Variants in SMCO2 observed in about 807,000 individuals in gnomAD.
The protein encoded by SMCO2 is single-pass membrane and coiled-coil domain-containing protein 2.
Under a neutral mutation model 29.5 loss-of-function variants are expected in SMCO2, and 25 were observed. The ratio of observed to expected loss-of-function variants is 0.85; its 90% CI spans 0.62 to 1.18. The LOEUF is 1.18. SMCO2 is among the 50% of genes most tolerant of loss of function. SMCO2 has a pLI of 0.00. For synonymous variants in SMCO2, 117 were observed against 123.3 expected, an observed-to-expected ratio of 0.95 and a Z score of 0.34; for missense variants, 348 against 344.5, an observed-to-expected ratio of 1.01 and a Z score of -0.08.
the SMCO2 span, among the ~76,000 whole-genome samples, chr12:27,453,387 C>T: frequency 2.2e-4 from 34 of 152,282 alleles, no homozygotes; most frequent in African/African-American, 6.7e-4. Flanking sequence ...TGGCTGTGTC[C>T]ACAGCTCTGA....
chr12:27,488,975 C>G (rs1249539869), intron 5 of SMCO2, among the ~76,000 whole-genome samples: 2 of 152,130 alleles, frequency 1.3e-5, no homozygotes, highest in African/African-American at 2.4e-5. Context: ...TTCACAATCT[C>G]CAGAGTTTTC....
the SMCO2 span, among the ~76,000 whole-genome samples, chr12:27,429,060 T>C: frequency 1.3e-5 from 2 of 152,078 alleles, no homozygotes; most frequent in Non-Finnish European, 2.9e-5. Context: ...CAAAACACAG[T>C]TGTAGTGTCT....
chr12:27,494,119 C>T (rs867744741), intron 5 of SMCO2, 181 bp from the exon 7 acceptor site: 8 of 416,654 alleles, frequency 1.9e-5, no homozygotes, highest in Admixed American at 1.4e-4. Flanking sequence ...TATGGTTATA[C>T]CACTTACAGT....
chr12:27,482,576 C>T (rs1316132502), intron 4 of SMCO2, among the ~76,000 whole-genome samples: 1 of 152,194 alleles, frequency 6.6e-6, no homozygotes, highest in Non-Finnish European at 1.5e-5. Context: ...GCTTGGATTA[C>T]AGGCATGAGC....
chr12:27,457,514 C>G, the SMCO2 span, among the ~76,000 whole-genome samples: 6,309 of 152,294 alleles, frequency 0.041, 194 homozygotes, highest in East Asian at 0.13. Context: ...GTATCAGAAC[C>G]ACTCATCACC....
chr12:27,456,837 G>A, the SMCO2 span, among the ~76,000 whole-genome samples: 1 of 152,042 alleles, frequency 6.6e-6, no homozygotes, highest in African/African-American at 2.4e-5. Flanking sequence ...TTAGGACCTG[G>A]GCCGCACAGC....
At chr12:27,456,201 G>A in the SMCO2 span, among the ~76,000 whole-genome samples, 1 of 152,164 alleles carries the variant, frequency 6.6e-6, no homozygotes, top group African/African-American at 2.4e-5. Context: ...GGCAACAAGA[G>A]TGAAACTCCA....
chr12:27,426,879 G>A, the SMCO2 span, among the ~76,000 whole-genome samples: 4 of 152,190 alleles, frequency 2.6e-5, no homozygotes, highest in Non-Finnish European at 5.9e-5. Flanking sequence ...GTTTGCTAAG[G>A]TGGACATCTA....
chr12:27,457,516 C>T, the SMCO2 span, among the ~76,000 whole-genome samples: 1 of 152,226 alleles, frequency 6.6e-6, no homozygotes, highest in Non-Finnish European at 1.5e-5. Context: ...ATCAGAACCA[C>T]TCATCACCCA....
At chr12:27,463,009 A>G (rs1949470283), upstream of SMCO2, among the ~76,000 whole-genome samples, 2 of 152,144 alleles carry the variant, frequency 1.3e-5, no homozygotes, top group Non-Finnish European at 2.9e-5. Context: ...CTGGGACTAC[A>G]CCATCCCTCC....
At chr12:27,499,757 G>C (rs911125719) in intron 7 of SMCO2, among the ~76,000 whole-genome samples, 1 of 150,722 alleles carries the variant, frequency 6.6e-6, no homozygotes, top group Non-Finnish European at 1.5e-5. Context: ...CCCATCTCTT[G>C]TTAAAGAACT....
intron 4 of SMCO2, among the ~76,000 whole-genome samples, chr12:27,481,440 T>A (rs969509060): frequency 9.2e-5 from 14 of 152,212 alleles, no homozygotes; most frequent in Middle Eastern, 3.2e-3. Context: ...ACAATTTTCT[T>A]TTCTTGTAAT....
intron 4 of SMCO2, among the ~76,000 whole-genome samples, chr12:27,482,786 A>G (rs1949656571): frequency 6.6e-6 from 1 of 152,178 alleles, no homozygotes; most frequent in South Asian, 2.1e-4. Context: ...GCTGGAGTGC[A>G]GTGGCACAAT....
At chr12:27,490,659 G>A (rs1006922223) in intron 5 of SMCO2, among the ~76,000 whole-genome samples, 2 of 152,194 alleles carry the variant, frequency 1.3e-5, no homozygotes, top group African/African-American at 4.8e-5. Flanking sequence ...GCTGAATGTG[G>A]TGACTCACAC....
chr12:27,462,951 A>G (rs1486321794), upstream of SMCO2, among the ~76,000 whole-genome samples: 3 of 152,208 alleles, frequency 2.0e-5, no homozygotes, highest in Non-Finnish European at 4.4e-5. Flanking sequence ...GTCACGTCTC[A>G]GGACTCATTG....
chr12:27,478,122 G>T (rs1949606276), intron 4 of SMCO2, among the ~76,000 whole-genome samples: 1 of 152,200 alleles, frequency 6.6e-6, no homozygotes, highest in Non-Finnish European at 1.5e-5. Context: ...CTTTGGCTTT[G>T]ATTATTGGTG....
At chr12:27,469,564 T>C (rs1236339632) in intron 1 of SMCO2, among the ~76,000 whole-genome samples, 2 of 152,154 alleles carry the variant, frequency 1.3e-5, no homozygotes, top group African/African-American at 2.4e-5. Flanking sequence ...GAGTCTGTCA[T>C]CCCCTCTTGT....
At chr12:27,450,817 G>A in the SMCO2 span, among the ~76,000 whole-genome samples, 13 of 152,178 alleles carry the variant, frequency 8.5e-5, no homozygotes, top group Non-Finnish European at 1.9e-4. Flanking sequence ...AATCTTTTTA[G>A]GTGGTGTTTT....
At chr12:27,425,223 AATTAT>A in the SMCO2 span, 1 of 151,986 alleles carries the variant, frequency 6.6e-6, no homozygotes, top group African/African-American at 2.4e-5. Flanking sequence ...AAAAGAGTGA[AATTAT>A]ATTTTATAAT....
Sources: gnomAD v4.1 joint callset for allele counts (sites outside exome capture counted in the v4.1 genomes callset) on GRCh38, gnomAD v4.1.1 for gene constraint, MANE v1.5 for transcripts, NCBI Gene and HGNC (gene_info 2026-07-23, HGNC 2026-07-21) for gene names.